Variants in ADAMTSL1 observed in about 807,000 individuals in gnomAD.
ADAMTSL1 encodes ADAMTS-like protein 1.
A neutral mutation model predicts 201.8 loss-of-function variants in ADAMTSL1; 126 were observed. That is an observed-to-expected ratio of 0.62 (90% CI 0.54 to 0.72). The LOEUF is 0.72. ADAMTSL1 is among the 30% of genes least tolerant of loss of function. The pLI is 0.00. For missense variants in ADAMTSL1, 2,679 were observed against 2,277.8 expected, an observed-to-expected ratio of 1.18 and a Z score of -3.59; for synonymous variants, 1,121 against 903.4, an observed-to-expected ratio of 1.24 and a Z score of -4.32.
chr9:18,091,380 G>A (rs1824009960), intron 1 of ADAMTSL1, among the ~76,000 whole-genome samples: 2 of 152,084 alleles, frequency 1.3e-5, no homozygotes, highest in Non-Finnish European at 2.9e-5. Flanking sequence ...ACATCAAGGA[G>A]GCAAGTCTTT....
chr9:18,361,815 G>C (rs1347639940), intron 2 of ADAMTSL1, among the ~76,000 whole-genome samples: 1 of 152,186 alleles, frequency 6.6e-6, no homozygotes, highest in African/African-American at 2.4e-5. Flanking sequence ...AAATGAATTT[G>C]GTGGTCTCAG....
chr9:18,506,260 C>T (rs1455370676), intron 2 of ADAMTSL1, among the ~76,000 whole-genome samples: 6 of 152,162 alleles, frequency 3.9e-5, no homozygotes, highest in African/African-American at 1.4e-4. Context: ...TACAAAACTT[C>T]CAAAATCTGC....
At chr9:18,424,746 C>A (rs921047517) in intron 2 of ADAMTSL1, among the ~76,000 whole-genome samples, 1 of 152,072 alleles carries the variant, frequency 6.6e-6, no homozygotes, top group African/African-American at 2.4e-5. Flanking sequence ...ACCTACCCAG[C>A]CTCATGTATG....
At chr9:18,558,829 A>G (rs1184591028) in intron 3 of ADAMTSL1, among the ~76,000 whole-genome samples, 1 of 152,052 alleles carries the variant, frequency 6.6e-6, no homozygotes, top group Non-Finnish European at 1.5e-5. Flanking sequence ...ATGTCTGTTC[A>G]TATCATTTGC....
At chr9:18,022,257 T>G (rs1820508384) in intron 1 of ADAMTSL1, among the ~76,000 whole-genome samples, 1 of 152,188 alleles carries the variant, frequency 6.6e-6, no homozygotes, top group Non-Finnish European at 1.5e-5. Flanking sequence ...TACCTCATGT[T>G]GACCTTAGGG....
At chr9:18,470,578 C>T (rs1422761728), upstream of ADAMTSL1, among the ~76,000 whole-genome samples, 2 of 152,160 alleles carry the variant, frequency 1.3e-5, no homozygotes, top group African/African-American at 4.8e-5. Flanking sequence ...CCAGGAGACC[C>T]TGTGTCCCCT....
At chr9:18,304,006 C>G (rs1833806849) in intron 2 of ADAMTSL1, among the ~76,000 whole-genome samples, 1 of 152,134 alleles carries the variant, frequency 6.6e-6, no homozygotes, top group East Asian at 1.9e-4. Context: ...TTACACTGCT[C>G]TGCACCAATA....
chr9:18,495,146 CA>C (rs1162248992), intron 1 of ADAMTSL1, among the ~76,000 whole-genome samples: 1 of 152,096 alleles, frequency 6.6e-6, no homozygotes, highest in Non-Finnish European at 1.5e-5. Context: ...TGATGTTGAG[CA>C]GTTAAATATT....
At chr9:18,161,018 G>C (rs12237189) in intron 1 of ADAMTSL1, among the ~76,000 whole-genome samples, 16 of 151,680 alleles carry the variant, frequency 1.1e-4, no homozygotes, top group Non-Finnish European at 2.2e-4. Context: ...GTTTAGTTCA[G>C]AATTTTTGCC....
At chr9:18,121,186 A>G (rs1825480142) in intron 1 of ADAMTSL1, among the ~76,000 whole-genome samples, 1 of 152,250 alleles carries the variant, frequency 6.6e-6, no homozygotes, top group Non-Finnish European at 1.5e-5. Context: ...GCAAAATGTC[A>G]TCAGGGACTT....
Position 18,777,156 on chromosome 9 carries a change from G to T in ADAMTSL1, c.2927G>T (p.Ser976Ile). 1 of 1,612,976 alleles carries T rather than the reference G, an allele frequency of 6.2e-7. No individual in the cohort carries two copies. The highest frequency in any genetic ancestry group is 8.5e-7 in the Non-Finnish European group (1 of 1,179,828). ...KLVARPLSPRSEEEVLAGRKG... is the reference protein window; with the variant it reads ...KLVARPLSPRIEEEVLAGRKG... ...GTGGCCCGGCCCTTGAGCCCGAGAA[G>T]TGAGGAAGAGGTGCTTGCGGGGAGG... Residue 976 changes from serine (S) to isoleucine (I), a missense_variant, in exon 19 of 29, where the codon AGT becomes ATT. Physicochemically the swap from Ser to Ile is moderately radical, Grantham distance 142. Coordinates refer to ENST00000380548, the MANE Select transcript of ADAMTSL1 (RefSeq NM_001040272.6).
intron 1 of ADAMTSL1, among the ~76,000 whole-genome samples, chr9:18,082,897 G>A (rs752525866): frequency 2.0e-5 from 3 of 152,130 alleles, no homozygotes; most frequent in Non-Finnish European, 4.4e-5. Flanking sequence ...AAGCAGAATA[G>A]GAAAACCCAT....
intron 10 of ADAMTSL1, among the ~76,000 whole-genome samples, chr9:18,676,859 A>G (rs1002977640): frequency 6.6e-6 from 1 of 152,084 alleles, no homozygotes; most frequent in African/African-American, 2.4e-5. Flanking sequence ...AAAATCTCCA[A>G]ATACATAATG....
chr9:18,091,439 T>C, intron 1 of ADAMTSL1, among the ~76,000 whole-genome samples: 1 of 152,166 alleles, frequency 6.6e-6, no homozygotes, highest in East Asian at 1.9e-4. Flanking sequence ...GGCCTCTGGC[T>C]GTGCCCTTCT....
chr9:18,184,702 A>G (rs2132199063), intron 2 of ADAMTSL1, among the ~76,000 whole-genome samples: 1 of 152,330 alleles, frequency 6.6e-6, no homozygotes, highest in African/African-American at 2.4e-5. Flanking sequence ...AGAGTTGATC[A>G]GTATTTTCAC....
chr9:18,852,781 C>T (rs1025251675), intron 23 of ADAMTSL1, among the ~76,000 whole-genome samples: 1 of 152,120 alleles, frequency 6.6e-6, no homozygotes, highest in Non-Finnish European at 1.5e-5. Flanking sequence ...GATAAACTGA[C>T]CCTCAGGACT....
Position 18,777,502 on chromosome 9 carries a change from G to C in ADAMTSL1, c.3273G>C (p.Glu1091Asp). 1.9e-6 allele frequency: 3 copies of C among 1,596,344 alleles called. No homozygotes were observed. The South Asian group carries it at 3.4e-5, about 18-fold the overall frequency. ...ILGNLSQQPEELRDLYSKHLV... is the reference protein window; with the variant it reads ...ILGNLSQQPEDLRDLYSKHLV... ...GGAACCTCTCCCAGCAGCCCGAGGA[G>C]CTGCGCGACCTCTACAGCAAGCACC... Residue 1091 changes from glutamate to aspartate, a missense_variant, in exon 19 of 29, where the codon GAG becomes GAC. Coordinates refer to ENST00000380548, the MANE Select transcript of ADAMTSL1 (RefSeq NM_001040272.6).
At chr9:18,006,473 T>C (rs960909119) in intron 1 of ADAMTSL1, among the ~76,000 whole-genome samples, 3 of 152,016 alleles carry the variant, frequency 2.0e-5, no homozygotes, top group Admixed American at 6.6e-5. Flanking sequence ...GATTCTTGTG[T>C]TCAACTTTGT....
At chr9:18,569,433 A>G (rs185284876) in intron 3 of ADAMTSL1, among the ~76,000 whole-genome samples, 42 of 152,282 alleles carry the variant, frequency 2.8e-4, no homozygotes, top group Middle Eastern at 3.4e-3. Flanking sequence ...CAGAAAATAG[A>G]CTTTTATAGT....
Sources: gnomAD v4.1 joint callset for allele counts (sites outside exome capture counted in the v4.1 genomes callset) on GRCh38, gnomAD v4.1.1 for gene constraint, MANE v1.5 for transcripts, NCBI Gene and HGNC (gene_info 2026-07-23, HGNC 2026-07-21) for gene names.